RPS6KB1: variants seen among roughly 807,000 people sequenced by gnomAD.
RPS6KB1 encodes the protein ribosomal protein S6 kinase beta-1.
In RPS6KB1, 12 loss-of-function variants were observed where a neutral mutation model predicts 70.2. The observed-to-expected ratio is 0.17, with a 90% CI of 0.11 to 0.28. The LOEUF (loss-of-function observed/expected upper bound fraction) is 0.28, where lower values mean the gene tolerates loss of function less well. Ranked by LOEUF, RPS6KB1 falls within the 10% of genes least tolerant of loss-of-function variation. The pLI is 1.00. For synonymous variants in RPS6KB1, 175 were observed against 211.2 expected (o/e 0.83, Z 1.49); for missense variants, 270 against 646.6 (o/e 0.42, Z 6.32).
intron 7 of RPS6KB1, among the ~76,000 whole-genome samples, chr17:59,932,550 C>CTTTT (rs11390348): frequency 3.1e-5 from 4 of 130,302 alleles, no homozygotes; most frequent in Admixed American, 7.9e-5. Context: ...CATCAGGTTA[C>CTTTT]TTTTTTTTTT....
At chr17:59,900,931 G>A (rs1276475130) in intron 1 of RPS6KB1, among the ~76,000 whole-genome samples, 1 of 151,470 alleles carries the variant, frequency 6.6e-6, no homozygotes, top group Non-Finnish European at 1.5e-5. Flanking sequence ...GGAGGCCAAG[G>A]CAGATGGATC....
In RPS6KB1 at chr17:59,941,184, C is replaced by CT. The variant is rs995490727; in HGVS notation, c.1227+251dup. Among the ~76,000 whole-genome samples, 1,099 of 146,946 alleles carry CT rather than the reference C, an allele frequency of 7.5e-3. 15 individuals carry two copies. Among genetic ancestry groups the CT allele is most frequent in the African/African-American group, 0.025 (1,012 of 40,182 alleles). ...ACAAATCTTTGGAAAGTATGATTCC[C>CT]TTTTTTTTTTAGGCCACAGACTTAA... is the stretch of plus-strand genomic sequence containing the variant. On this transcript the variant is annotated intron_variant, in intron 13 of 14. Transcript: ENST00000225577.
intron 1 of RPS6KB1, among the ~76,000 whole-genome samples, chr17:59,895,071 AAT>A: frequency 6.6e-6 from 1 of 151,576 alleles, no homozygotes; most frequent in East Asian, 1.9e-4. Flanking sequence ...CCCAGGCTGG[AAT>A]GCAGTGGCGT....
intron 1 of RPS6KB1, among the ~76,000 whole-genome samples, chr17:59,900,169 TAAACACACAC>T (rs1258534078): frequency 1.0e-4 from 6 of 57,458 alleles, no homozygotes; most frequent in African/African-American, 3.5e-4. Flanking sequence ...ACCTAATTGC[TAAACACACAC>T]ACACACACAC....
intron 2 of RPS6KB1, among the ~76,000 whole-genome samples, chr17:59,911,143 C>T (rs1013533146): frequency 2.0e-5 from 3 of 152,028 alleles, no homozygotes; most frequent in Admixed American, 1.3e-4. Context: ...ATTAGCCGGG[C>T]GACATAGCGA....
chr17:59,912,864 C>T (rs2042730171), intron 3 of RPS6KB1, 60 bp downstream of exon 3: 1 of 1,562,584 alleles, frequency 6.4e-7, no homozygotes, highest in Middle Eastern at 1.7e-4. Flanking sequence ...ATTTTTATGC[C>T]CTGGTTCCAG....
intron 4 of RPS6KB1, among the ~76,000 whole-genome samples, chr17:59,922,819 C>G (rs1208430781): frequency 6.6e-6 from 1 of 151,168 alleles, no homozygotes; most frequent in African/African-American, 2.4e-5. Context: ...GCCAGGATTA[C>G]AGACGTGAGC....
chr17:59,919,870 C>T (rs915886793), intron 4 of RPS6KB1, among the ~76,000 whole-genome samples: 103 of 152,150 alleles, frequency 6.8e-4, no homozygotes, highest in African/African-American at 2.3e-3. Flanking sequence ...ATGTTTGAAC[C>T]TTGCTGGGGT....
chr17:59,928,815 G>A (rs1467285451), intron 5 of RPS6KB1, among the ~76,000 whole-genome samples: 1 of 152,114 alleles, frequency 6.6e-6, no homozygotes, highest in Non-Finnish European at 1.5e-5. Context: ...TGACATTTTT[G>A]ATTAGGACAG....
At chr17:59,939,999 A>C (rs377486583) in intron 12 of RPS6KB1, among the ~76,000 whole-genome samples, 4 of 152,342 alleles carry the variant, frequency 2.6e-5, no homozygotes, top group African/African-American at 9.6e-5. Flanking sequence ...TAACTTATAA[A>C]CCATGCAGAA....
rs2041297294 is a variant in RPS6KB1 at position 59,893,703 on chromosome 17, T to TG, written c.141+380dup. On this transcript the variant is annotated intron_variant, in intron 1 of 14. Transcript: ENST00000225577. The surrounding 1 kb of genome is among the most constrained non-coding windows in gnomAD (Gnocchi z 4.1). ...GTGTCCCGTAAGTGCAGGCGAAGTGTGGAGGGTTTCCCTTCGAGTCTAGAA... is the reference window on the plus strand; with the variant it reads ...GTGTCCCGTAAGTGCAGGCGAAGTGTGGGAGGGTTTCCCTTCGAGTCTAGAA... 3.4e-6 allele frequency: 3 copies of TG among 874,062 alleles called. No homozygotes were observed. The South Asian group carries it at 1.4e-4, about 40-fold the overall frequency. The allele number at this position is 874,062 out of a possible 1,614,324, so 54.1% of individuals were successfully genotyped here.
chr17:59,936,117 A>G, intron 10 of RPS6KB1, 98 bp from the exon 11 acceptor site: 1 of 1,133,916 alleles, frequency 8.8e-7, no homozygotes, highest in East Asian at 2.4e-5. Flanking sequence ...AATAAACTAT[A>G]TTTTCTCAAG....
intron 4 of RPS6KB1, among the ~76,000 whole-genome samples, chr17:59,920,373 T>C (rs1332694878): frequency 6.6e-6 from 1 of 152,218 alleles, no homozygotes; most frequent in Non-Finnish European, 1.5e-5. Flanking sequence ...ACAATCAAAG[T>C]GACTTTTTAA....
At chr17:59,917,585 T>A (rs1013383260) in intron 4 of RPS6KB1, among the ~76,000 whole-genome samples, 3 of 152,102 alleles carry the variant, frequency 2.0e-5, no homozygotes, top group African/African-American at 4.8e-5. Flanking sequence ...TGCAGATGCA[T>A]GCCACCACGC....
At chr17:59,923,990 T>C (rs2043435354) in intron 4 of RPS6KB1, among the ~76,000 whole-genome samples, 2 of 152,224 alleles carry the variant, frequency 1.3e-5, no homozygotes, top group Non-Finnish European at 2.9e-5. Context: ...TGCAATTTTT[T>C]GTGTGCTTAC....
chr17:59,944,052 AGAT>A lies in RPS6KB1; in HGVS notation c.1228-1350_1228-1348del, dbSNP rs551893858. Among the ~76,000 whole-genome samples the A allele has an allele frequency of 4.6e-3, 703 of 152,192 alleles. 5 individuals carry two copies. Among genetic ancestry groups the A allele is most frequent in the Non-Finnish European group, 4.4e-3 (302 of 68,008 alleles). ...CATCACAGAATTAGAGGAAATTCAA[AGAT>A]GATTAAGGCACAGCCTGTACCTCTT... On this transcript the variant is annotated intron_variant, in intron 13 of 14. Transcript: ENST00000225577.
chr17:59,943,215 C>G (rs761827046), intron 13 of RPS6KB1, among the ~76,000 whole-genome samples: 1 of 152,112 alleles, frequency 6.6e-6, no homozygotes, highest in Non-Finnish European at 1.5e-5. Context: ...TACGGCATCT[C>G]TGTTAGTAAA....
intron 4 of RPS6KB1, among the ~76,000 whole-genome samples, chr17:59,917,165 C>T (rs1434393664): frequency 6.6e-6 from 1 of 152,128 alleles, no homozygotes; most frequent in African/African-American, 2.4e-5. Flanking sequence ...GTCACCTAGA[C>T]AGGAGTGCGG....
intron 10 of RPS6KB1, among the ~76,000 whole-genome samples, chr17:59,936,004 G>T (rs2044209834): frequency 6.6e-6 from 1 of 150,968 alleles, no homozygotes; most frequent in Admixed American, 6.6e-5. Flanking sequence ...TAGAGAAGGG[G>T]TTTCACCATG....
Sources: gnomAD v4.1 joint callset for allele counts (sites outside exome capture counted in the v4.1 genomes callset) on GRCh38, gnomAD v4.1.1 for gene constraint, Gnocchi (gnomAD v3.1) non-coding constraint, MANE v1.5 for transcripts, NCBI Gene and HGNC (gene_info 2026-07-23, HGNC 2026-07-21) for gene names.